Variants in KLRF1 observed in about 807,000 individuals in gnomAD.
KLRF1 encodes killer cell lectin-like receptor subfamily F member 1.
Under a neutral mutation model 30.7 loss-of-function variants are expected in KLRF1, and 27 were observed. The observed-to-expected ratio is 0.88, with a 90% CI of 0.65 to 1.21. The LOEUF (loss-of-function observed/expected upper bound fraction) is 1.21. KLRF1 is among the 50% of genes most tolerant of loss of function. The pLI, the probability that KLRF1 is intolerant of heterozygous loss-of-function variation, is 0.00. For synonymous variants in KLRF1, 92 were observed against 89.3 expected, an observed-to-expected ratio of 1.03 and a Z score of -0.17; for missense variants, 246 against 259.3, an observed-to-expected ratio of 0.95 and a Z score of 0.35.
At position 9,827,602 on chromosome 12, in the gene KLRF1, G is replaced by A. The variant is rs770107453; in HGVS notation, c.58G>A (p.Ala20Thr). 29 of 1,606,094 alleles carry A rather than the reference G, an allele frequency of 1.8e-5. No individual in the cohort carries two copies. In the East Asian group the frequency reaches 6.3e-4, roughly 35 times the overall value. ...TGTACAGTCAAAGAAAAGGAGTTCT[G>A]CCCAAACATCTCAACTTACATTTAA... ...LNVQSKKRSSAQTSQLTFKDY... is the reference protein window; with the variant it reads ...LNVQSKKRSSTQTSQLTFKDY... Residue 20 changes from alanine to threonine, a missense_variant, in exon 1 of 6, where the codon GCC (alanine) becomes ACC (threonine). Physicochemically the swap from Ala to Thr is moderately conservative, Grantham distance 58. Coordinates refer to ENST00000617889, the MANE Select transcript of KLRF1 (RefSeq NM_016523.3).
the KLRF1 span, among the ~76,000 whole-genome samples, chr12:9,816,366 C>T: frequency 1.3e-5 from 2 of 152,116 alleles, no homozygotes; most frequent in Non-Finnish European, 2.9e-5. Flanking sequence ...GCTTTTGTTC[C>T]CATACCTGTA....
the KLRF1 span, among the ~76,000 whole-genome samples, chr12:9,816,249 A>T: frequency 1.3e-5 from 2 of 152,216 alleles, no homozygotes; most frequent in Admixed American, 6.5e-5. Flanking sequence ...AGGCATTAGA[A>T]CCTCTAAACC....
upstream of KLRF1, among the ~76,000 whole-genome samples, chr12:9,825,763 C>T (rs932573206): frequency 2.0e-5 from 3 of 152,124 alleles, no homozygotes; most frequent in Admixed American, 6.5e-5. Flanking sequence ...TTTTTGCAGA[C>T]TATGCATTTG....
chr12:9,800,753 T>A, the KLRF1 span, among the ~76,000 whole-genome samples: 45 of 152,208 alleles, frequency 3.0e-4, no homozygotes, highest in Non-Finnish European at 3.8e-4. Flanking sequence ...TTTATCTATT[T>A]TGGATTACAG....
the KLRF1 span, among the ~76,000 whole-genome samples, chr12:9,813,995 C>T: frequency 6.6e-6 from 1 of 152,126 alleles, no homozygotes; most frequent in Non-Finnish European, 1.5e-5. Context: ...TGCCTCGGGT[C>T]TCAACAGCTT....
chr12:9,813,161 A>T, the KLRF1 span, among the ~76,000 whole-genome samples: 28 of 151,482 alleles, frequency 1.8e-4, no homozygotes, highest in Admixed American at 1.8e-3. Flanking sequence ...TTAATTTATT[A>T]TTATTATACT....
the KLRF1 span, among the ~76,000 whole-genome samples, chr12:9,816,897 T>C: frequency 8.4e-3 from 1,281 of 152,038 alleles, 11 homozygotes; most frequent in African/African-American, 0.028. Flanking sequence ...CTAATATTTT[T>C]TTTTCTTTTG....
chr12:9,840,060 C>T (rs879381878), intron 3 of KLRF1, among the ~76,000 whole-genome samples: 4 of 151,936 alleles, frequency 2.6e-5, no homozygotes, highest in African/African-American at 9.7e-5. Context: ...CTTTTATGAA[C>T]CTTGAAAACA....
the KLRF1 span, among the ~76,000 whole-genome samples, chr12:9,802,415 GA>G: frequency 6.6e-6 from 1 of 152,082 alleles, no homozygotes; most frequent in Non-Finnish European, 1.5e-5. Context: ...CATTCACTTT[GA>G]AAACCGGCAC....
At chr12:9,806,383 T>C in the KLRF1 span, among the ~76,000 whole-genome samples, 1 of 152,108 alleles carries the variant, frequency 6.6e-6, no homozygotes, top group East Asian at 1.9e-4. Flanking sequence ...TGCATTGTTG[T>C]AGGAAGACAT....
chr12:9,837,281 A>G (rs1198133917), intron 3 of KLRF1, among the ~76,000 whole-genome samples: 1 of 151,806 alleles, frequency 6.6e-6, no homozygotes, highest in African/African-American at 2.4e-5. Context: ...ATTCCTTTTT[A>G]TGGGTGAATA....
chr12:9,830,334 C>T (rs759649179), intron 1 of KLRF1, among the ~76,000 whole-genome samples: 1 of 152,036 alleles, frequency 6.6e-6, no homozygotes, highest in South Asian at 2.1e-4. Context: ...TTTATTTTAC[C>T]AAATCTGCAC....
the KLRF1 span, chr12:9,817,501 AGT>A: frequency 2.4e-6 from 1 of 408,586 alleles, no homozygotes; most frequent in Non-Finnish European, 4.8e-6. Context: ...TTTTTTCCAG[AGT>A]ACTGTTTTGA....
chr12:9,812,445 G>A, the KLRF1 span, among the ~76,000 whole-genome samples: 130 of 151,838 alleles, frequency 8.6e-4, 2 homozygotes, highest in African/African-American at 2.9e-3. Context: ...CTTATGGCAG[G>A]ACAGCAAGGC....
the KLRF1 span, among the ~76,000 whole-genome samples, chr12:9,811,499 G>C: frequency 6.6e-6 from 1 of 152,110 alleles, no homozygotes; most frequent in Non-Finnish European, 1.5e-5. Context: ...AGCTCATGCA[G>C]AGCCCGTTAT....
intron 5 of KLRF1, among the ~76,000 whole-genome samples, chr12:9,844,096 T>C (rs1867761004): frequency 6.6e-6 from 1 of 151,760 alleles, no homozygotes; most frequent in South Asian, 2.1e-4. Flanking sequence ...GCAAGAGAGG[T>C]TGTTAAGTGA....
chr12:9,827,551 G>C lies in KLRF1; in HGVS notation c.7G>C (p.Asp3His), dbSNP rs372697660. 9.6e-5 allele frequency: 154 copies of C among 1,597,084 alleles called. No homozygotes were observed. Among genetic ancestry groups the C allele is most frequent in the Non-Finnish European group, 1.3e-4 (146 of 1,166,760 alleles). Residue 3 changes from aspartate to histidine, a missense_variant, in exon 1 of 6, where the codon GAT (aspartate) becomes CAT (histidine). Physicochemically the swap from Asp to His is moderately conservative, Grantham distance 81 (BLOSUM62 -1). Transcript: ENST00000617889. ...ACATTCACTCACATTGAAGATGCAAGATGAAGAAAGATACATGACATTGAA... is the reference window on the plus strand; with the variant it reads ...ACATTCACTCACATTGAAGATGCAACATGAAGAAAGATACATGACATTGAA... Reference protein sequence around the residue: MQDEERYMTLNVQ... With the variant: MQHEERYMTLNVQ...
chr12:9,812,408 A>G, the KLRF1 span, among the ~76,000 whole-genome samples: 1 of 150,410 alleles, frequency 6.6e-6, no homozygotes, highest in Non-Finnish European at 1.5e-5. Context: ...TTCTTTTTCC[A>G]ATCTGAGTTA....
At chr12:9,814,321 C>A in the KLRF1 span, among the ~76,000 whole-genome samples, 1 of 152,232 alleles carries the variant, frequency 6.6e-6, no homozygotes, top group Non-Finnish European at 1.5e-5. Context: ...GCTTTCTCCA[C>A]CCACTGCCAT....
Sources: allele counts gnomAD v4.1 joint callset (sites outside exome capture counted in the v4.1 genomes callset), GRCh38; gene constraint gnomAD v4.1.1; transcripts MANE v1.5; gene names NCBI Gene and HGNC (gene_info 2026-07-23, HGNC 2026-07-21).